CHN2: variants seen among roughly 807,000 people sequenced by gnomAD.
CHN2 encodes chimerin 2.
Under a neutral mutation model 56.3 loss-of-function variants are expected in CHN2, and 35 were observed. The observed-to-expected ratio is 0.62, with a 90% CI of 0.47 to 0.82. The LOEUF (loss-of-function observed/expected upper bound fraction) is 0.82, where lower values mean the gene tolerates loss of function less well. Ranked by LOEUF, CHN2 falls within the 40% of genes least tolerant of loss-of-function variation. CHN2 has a pLI of 0.00. For missense variants in CHN2, 491 were observed against 580.5 expected (o/e 0.85, Z 1.58); for synonymous variants, 210 against 212.8 (o/e 0.99, Z 0.12).
intron 11 of CHN2, among the ~76,000 whole-genome samples, chr7:29,508,299 CTT>C (rs1562675600): frequency 6.6e-6 from 1 of 151,682 alleles, no homozygotes; most frequent in African/African-American, 2.4e-5. Flanking sequence ...AGGGGCTACA[CTT>C]TGCCCAGGAA....
chr7:29,494,650 G>A (rs1390653882), intron 7 of CHN2, among the ~76,000 whole-genome samples: 1 of 152,074 alleles, frequency 6.6e-6, no homozygotes. Context: ...TAGGCAGTTT[G>A]CATATGATAA....
rs1787827321 is a variant in CHN2, at chr7:29,243,297, G to A, written c.49+48307G>A. 2.0e-5 allele frequency among the ~76,000 whole-genome samples: 3 copies of A among 151,824 alleles called. No homozygotes were observed. The South Asian group carries it at 6.2e-4, about 32-fold the overall frequency. Reference sequence around the variant, plus strand: ...TTTTCATAGAACAATTCTATTCCTGGCATTTTCCACCCAATTTGAGACCAT... The same window carrying A: ...TTTTCATAGAACAATTCTATTCCTGACATTTTCCACCCAATTTGAGACCAT... On this transcript the variant is annotated intron_variant, in intron 1 of 12. Coordinates refer to ENST00000222792, the MANE Select transcript of CHN2 (RefSeq NM_004067.4).
chr7:29,460,886 C>T (rs3793258), intron 6 of CHN2, among the ~76,000 whole-genome samples: 18,594 of 152,166 alleles, frequency 0.12, 1,213 homozygotes, highest in South Asian at 0.2. Flanking sequence ...ACAAACCACC[C>T]GCTTCTCTGG....
At chr7:29,272,630 T>C (rs965597364) in intron 1 of CHN2, among the ~76,000 whole-genome samples, 3 of 152,142 alleles carry the variant, frequency 2.0e-5, no homozygotes, top group Admixed American at 6.5e-5. Flanking sequence ...TTTCAGATTT[T>C]TGGGGCTCAG....
intron 1 of CHN2, among the ~76,000 whole-genome samples, chr7:29,197,455 AGT>A (rs1491578518): frequency 6.6e-6 from 1 of 152,192 alleles, no homozygotes; most frequent in Non-Finnish European, 1.5e-5. Context: ...TACTTGGTAG[AGT>A]GTCTTGGGGA....
chr7:29,412,895 G>A (rs1158415985), intron 6 of CHN2, among the ~76,000 whole-genome samples: 1 of 141,166 alleles, frequency 7.1e-6, no homozygotes, highest in Non-Finnish European at 1.6e-5. Context: ...AATTTGTAGG[G>A]GTGGGTGGGT....
chr7:29,451,023 C>T (rs1000288430), intron 6 of CHN2, among the ~76,000 whole-genome samples: 1 of 152,142 alleles, frequency 6.6e-6, no homozygotes, highest in African/African-American at 2.4e-5. Flanking sequence ...CCCACCTCGG[C>T]CTCCCAAAGT....
intron 7 of CHN2, among the ~76,000 whole-genome samples, chr7:29,491,233 G>T (rs898140589): frequency 6.6e-6 from 1 of 151,976 alleles, no homozygotes; most frequent in African/African-American, 2.4e-5. Flanking sequence ...TTCTTGAAAG[G>T]ATTTTTAAAA....
intron 11 of CHN2, 121 bp from the exon 12 acceptor site, chr7:29,509,180 G>A: frequency 1.4e-6 from 1 of 701,446 alleles, no homozygotes. Context: ...ACAGTGCTTG[G>A]ATTGCATGAA....
At chr7:29,428,426 A>G (rs146946252) in intron 6 of CHN2, among the ~76,000 whole-genome samples, 2 of 152,286 alleles carry the variant, frequency 1.3e-5, no homozygotes, top group East Asian at 1.9e-4. Context: ...CAGACTCCTA[A>G]CATCCTATGG....
rs552440619 is a variant in CHN2, at chr7:29,155,741, G to A, written c.274+8781G>A. On this transcript the variant is annotated intron_variant, in intron 2 of 6. Coordinates refer to the CHN2 transcript ENST00000439384. ...CAACCGTGGACAGTCCTCCCTCATC[G>A]GGAGCCAGGAGGGTAGGCTGGCTGG... 1.5e-4 allele frequency among the ~76,000 whole-genome samples: 23 copies of A among 152,240 alleles called. No individual in the cohort carries two copies. The South Asian group carries it at 4.6e-3, about 30-fold the overall frequency.
intron 6 of CHN2, among the ~76,000 whole-genome samples, chr7:29,471,291 C>T (rs552158172): frequency 4.5e-4 from 69 of 152,246 alleles, no homozygotes; most frequent in African/African-American, 1.5e-3. Context: ...TTGAAATGCG[C>T]GAGATCCTTA....
intron 1 of CHN2, among the ~76,000 whole-genome samples, chr7:29,240,413 C>G (rs1198105262): frequency 6.6e-6 from 1 of 152,220 alleles, no homozygotes; most frequent in African/African-American, 2.4e-5. Flanking sequence ...CATCTGACAT[C>G]TGTCTTAAAT....
intron 2 of CHN2, among the ~76,000 whole-genome samples, chr7:29,178,760 G>A (rs1797697817): frequency 6.6e-6 from 1 of 152,132 alleles, no homozygotes. Context: ...TTCACAACTT[G>A]GAGTGGAATT....
chr7:29,195,268 GA>G, intron 1 of CHN2: 1 of 398,870 alleles, frequency 2.5e-6, no homozygotes, highest in Non-Finnish European at 4.4e-6. Flanking sequence ...AGCGAAAAGC[GA>G]AAGGAGCGGG....
chr7:29,483,718 C>A, intron 7 of CHN2: 1 of 555,048 alleles, frequency 1.8e-6, no homozygotes, highest in Non-Finnish European at 2.4e-6. Flanking sequence ...GAATGGTCCA[C>A]CCTAATAATA....
chr7:29,250,216 C>T (rs982287102), intron 1 of CHN2, among the ~76,000 whole-genome samples: 1 of 152,174 alleles, frequency 6.6e-6, no homozygotes, highest in Non-Finnish European at 1.5e-5. Context: ...TACAGCACCA[C>T]CTTTATCAAT....
At chr7:29,296,813 A>C (rs1011583231) in intron 1 of CHN2, among the ~76,000 whole-genome samples, 35 of 152,376 alleles carry the variant, frequency 2.3e-4, no homozygotes, top group African/African-American at 8.4e-4. Flanking sequence ...TAATGAACTT[A>C]CTATGAATTG....
intron 6 of CHN2, among the ~76,000 whole-genome samples, chr7:29,453,337 G>A (rs1784533946): frequency 6.6e-6 from 1 of 152,230 alleles, no homozygotes; most frequent in Non-Finnish European, 1.5e-5. Context: ...GGGCAAGTGG[G>A]AGAGCACTTT....
Sources: gnomAD v4.1 joint callset for allele counts (sites outside exome capture counted in the v4.1 genomes callset) on GRCh38, gnomAD v4.1.1 for gene constraint, MANE v1.5 for transcripts, NCBI Gene and HGNC (gene_info 2026-07-23, HGNC 2026-07-21) for gene names.